The following SUGP1 variants were observed in gnomAD, a reference collection of about 807,000 sequenced individuals.
The protein encoded by SUGP1 is SURP and G-patch domain-containing protein 1.
In SUGP1, 34 loss-of-function variants were observed where a neutral mutation model predicts 76.5. The ratio of observed to expected loss-of-function variants is 0.44; its 90% CI spans 0.34 to 0.59. SUGP1 has a LOEUF of 0.59. SUGP1 is among the 20% of genes least tolerant of loss of function. The probability of loss-of-function intolerance (pLI) is 0.01; values close to 1 mark genes in which losing one functional copy is unlikely to be tolerated. For missense variants in SUGP1, 752 were observed against 851.7 expected, an observed-to-expected ratio of 0.88 and a Z score of 1.46; for synonymous variants, 326 against 326.2, an observed-to-expected ratio of 1.00 and a Z score of 0.01.
chr19:19,287,481 G>C (rs1399051514), intron 8 of SUGP1, among the ~76,000 whole-genome samples: 2 of 152,220 alleles, frequency 1.3e-5, no homozygotes, highest in Non-Finnish European at 2.9e-5. Flanking sequence ...AGAATCGTTT[G>C]AACCAGAGGG....
At chr19:19,310,059 G>A in intron 3 of SUGP1, 38 bp downstream of exon 3, 1 of 1,551,102 alleles carries the variant, frequency 6.4e-7, no homozygotes, top group South Asian at 1.1e-5. Context: ...AGGGGGAGAT[G>A]CAAGGACAGC....
chr19:19,308,648 G>A lies in SUGP1; in HGVS notation c.310+1449C>T, dbSNP rs370517485. ...CAGCTCAGGTGTCTCGGGCCAGCCC[G>A]GTGTCTCTGAAAACCCTGTATGCAG... On this transcript the variant is annotated intron_variant, in intron 3 of 13. Transcript: ENST00000247001. Among the ~76,000 whole-genome samples, 28 of 152,358 alleles carry A rather than the reference G, an allele frequency of 1.8e-4. 1 individual carries two copies. The highest frequency in any genetic ancestry group is 6.0e-4 in the African/African-American group (25 of 41,592).
chr19:19,303,714 A>C lies in SUGP1; in HGVS notation c.662+10T>G. The C allele has an allele frequency of 6.2e-7, 1 of 1,614,114 alleles. No homozygotes were observed. Among genetic ancestry groups the C allele is most frequent in the Non-Finnish European group, 8.5e-7 (1 of 1,179,982 alleles). On this transcript the variant is annotated intron_variant, in intron 5 of 13. Coordinates refer to ENST00000247001, the MANE Select transcript of SUGP1 (RefSeq NM_172231.4). ...AACAGCACAGCCTTCCCTTCCCCGG[A>C]GATACTCACGCAAATGCTGGGTTAT...
chr19:19,313,391 T>C (rs1222613928), intron 2 of SUGP1, among the ~76,000 whole-genome samples: 2 of 151,922 alleles, frequency 1.3e-5, no homozygotes, highest in African/African-American at 2.4e-5. Flanking sequence ...TTAGACTTCA[T>C]CTCAAATATA....
intron 4 of SUGP1, chr19:19,304,148 TTTTC>T (rs1393910754): frequency 3.5e-5 from 28 of 804,904 alleles, no homozygotes; most frequent in Non-Finnish European, 5.2e-5. Flanking sequence ...TGCTTAATTC[TTTTC>T]TTTCTTTACC....
intron 8 of SUGP1, among the ~76,000 whole-genome samples, chr19:19,284,101 G>C (rs1407629418): frequency 2.0e-5 from 3 of 152,194 alleles, no homozygotes; most frequent in Non-Finnish European, 4.4e-5. Flanking sequence ...GTATTTTTCA[G>C]GTTTAGTGCA....
In SUGP1 at chr19:19,302,257, C is replaced by T. The variant is rs1470480721; in HGVS notation, c.887+8G>A. 6.2e-7 allele frequency: 1 copy of T among 1,613,992 alleles called. No individual in the cohort carries two copies. The highest frequency in any genetic ancestry group is 8.5e-7 in the Non-Finnish European group (1 of 1,179,928). ...TGACGGTCACCTCCCTGGCAGGGCC[C>T]CCCTTACCTGAATGCCTGGTTCTCA... On this transcript the variant is annotated splice_region_variant and intron_variant, in intron 7 of 13. Transcript: ENST00000247001.
chr19:19,279,214 C>T lies in SUGP1; in HGVS notation c.1527G>A (p.Arg509=). ...GGCCCACCCCGCTGCCCCACATACC[C>T]CTGGTCTTATCCATCTCCATGCGCC... ...QLRRMEMDKT[R]EWAEQLTKMG... Residue 509 remains arginine (R), a splice_region_variant and synonymous_variant, in exon 10 of 14, where the codon AGG becomes AGA. Coordinates refer to ENST00000247001, the MANE Select transcript of SUGP1 (RefSeq NM_172231.4). 6.2e-7 allele frequency: 1 copy of T among 1,603,568 alleles called. No individual in the cohort carries two copies. Among genetic ancestry groups the T allele is most frequent in the Non-Finnish European group, 8.5e-7 (1 of 1,177,600 alleles).
At chr19:19,302,090 G>T in intron 7 of SUGP1, 175 bp downstream of exon 7, 3 of 995,652 alleles carry the variant, frequency 3.0e-6, no homozygotes, top group Non-Finnish European at 3.0e-6. Context: ...TGGTGTGTGC[G>T]TGGGACATGC....
At chr19:19,299,777 CA>C (rs1245035997) in intron 7 of SUGP1, among the ~76,000 whole-genome samples, 1 of 151,538 alleles carries the variant, frequency 6.6e-6, no homozygotes, top group Non-Finnish European at 1.5e-5. Context: ...TGGGCGTTTC[CA>C]GCTTTTCATT....
At chr19:19,306,449 C>G (rs535635356) in intron 3 of SUGP1, among the ~76,000 whole-genome samples, 1 of 152,350 alleles carries the variant, frequency 6.6e-6, no homozygotes, top group South Asian at 2.1e-4. Context: ...TGTGGCCAGG[C>G]TGACTGGCCA....
intron 4 of SUGP1, among the ~76,000 whole-genome samples, chr19:19,305,003 C>T (rs2061305551): frequency 6.6e-6 from 1 of 152,278 alleles, no homozygotes; most frequent in Middle Eastern, 3.4e-3. Context: ...CCCGAGATGG[C>T]CAATACCCCT....
At chr19:19,288,646 C>T (rs188191034) in intron 8 of SUGP1, among the ~76,000 whole-genome samples, 37 of 152,174 alleles carry the variant, frequency 2.4e-4, no homozygotes, top group African/African-American at 8.2e-4. Context: ...TCCCAAGCTA[C>T]TTGGGAGCCT....
chr19:19,310,253 G>T, intron 2 of SUGP1, 53 bp from the exon 3 acceptor site: 1 of 1,375,010 alleles, frequency 7.3e-7, no homozygotes. Flanking sequence ...ATGGAGTGAG[G>T]GCACCAGAGG....
At chr19:19,305,552 C>T (rs1218830194) in intron 4 of SUGP1, 4 of 297,510 alleles carry the variant, frequency 1.3e-5, no homozygotes, top group East Asian at 6.3e-5. Context: ...GGAGCAAATG[C>T]GAGAAGGGCG....
At chr19:19,311,272 T>C (rs2061350915) in intron 2 of SUGP1, among the ~76,000 whole-genome samples, 1 of 151,898 alleles carries the variant, frequency 6.6e-6, no homozygotes. Context: ...TAAATATATT[T>C]AGGCCCCTGG....
At chr19:19,285,861 G>A (rs867051889) in intron 8 of SUGP1, among the ~76,000 whole-genome samples, 5 of 152,132 alleles carry the variant, frequency 3.3e-5, no homozygotes, top group South Asian at 4.1e-4. Context: ...TACCGTACCC[G>A]GCCAAGCACC....
intron 2 of SUGP1, among the ~76,000 whole-genome samples, chr19:19,312,460 G>T (rs1005116554): frequency 2.0e-5 from 3 of 152,042 alleles, no homozygotes; most frequent in Admixed American, 2.0e-4. Context: ...TTTTAAACCC[G>T]CATGACGTTC....
At chr19:19,301,704 G>A (rs1256629771) in intron 7 of SUGP1, 1 of 153,220 alleles carries the variant, frequency 6.5e-6, no homozygotes, top group Non-Finnish European at 1.5e-5. Context: ...GGATGAGCCA[G>A]TGAACACAGA....
Sources: allele counts gnomAD v4.1 joint callset (sites outside exome capture counted in the v4.1 genomes callset), GRCh38; gene constraint gnomAD v4.1.1; transcripts MANE v1.5; gene names NCBI Gene and HGNC (gene_info 2026-07-23, HGNC 2026-07-21).